The following EIF2AK2 variants were observed in gnomAD, a reference collection of about 807,000 sequenced individuals.
EIF2AK2 encodes the protein eukaryotic translation initiation factor 2 alpha kinase 2, also known as interferon-induced, double-stranded RNA-activated protein kinase.
In EIF2AK2, 40 loss-of-function variants were observed where a neutral mutation model predicts 70.5. That is an observed-to-expected ratio of 0.57 (90% CI 0.44 to 0.74). The LOEUF (loss-of-function observed/expected upper bound fraction) is 0.74. Among genes scored for constraint, EIF2AK2 ranks in the 30% least tolerant of loss-of-function variants. The pLI, the probability that EIF2AK2 is intolerant of heterozygous loss-of-function variation, is 0.00. For missense variants in EIF2AK2, 555 were observed against 644.3 expected (o/e 0.86, Z 1.50); for synonymous variants, 198 against 220.9 (o/e 0.90, Z 0.92).
rs780536929 is a variant in EIF2AK2 at position 37,109,224 on chromosome 2, A to G, written c.1449T>C (p.His483=). The change falls in exon 15 of 17, where the codon CAT becomes CAC. Residue 483 remains histidine, a synonymous_variant. Transcript: ENST00000233057. ...ALGLILAELL[H]VCDTAFETSK... is the part of the protein sequence containing the mutation. ...ATGTTTCAAAAGCAGTGTCACATAC[A>G]TGAAGAAGTTCAGCAAGAATTAGCC... is the stretch of plus-strand genomic sequence containing the variant. 3 of 1,614,206 alleles carry G rather than the reference A, an allele frequency of 1.9e-6. No homozygotes were observed. The highest frequency in any genetic ancestry group is 1.7e-6 in the Non-Finnish European group (2 of 1,180,020).
intron 8 of EIF2AK2, among the ~76,000 whole-genome samples, 198 bp downstream of exon 8, chr2:37,138,072 G>C (rs1036957232): frequency 7.0e-6 from 1 of 143,186 alleles, no homozygotes; most frequent in Non-Finnish European, 1.5e-5. Flanking sequence ...TCTCACCACT[G>C]CACTCCAGCC....
chr2:37,135,087 G>A (rs1675080688), intron 10 of EIF2AK2, among the ~76,000 whole-genome samples: 1 of 152,130 alleles, frequency 6.6e-6, no homozygotes, highest in South Asian at 2.1e-4. Flanking sequence ...TAGACTCCTC[G>A]GCTGGAGTAG....
chr2:37,127,110 A>G (rs577499274), intron 10 of EIF2AK2, among the ~76,000 whole-genome samples: 1 of 152,076 alleles, frequency 6.6e-6, no homozygotes, highest in Admixed American at 6.6e-5. Flanking sequence ...ATACGCTCTA[A>G]GCCTGCCTAG....
At chr2:37,111,438 T>C (rs1443613095) in intron 14 of EIF2AK2, among the ~76,000 whole-genome samples, 1 of 151,268 alleles carries the variant, frequency 6.6e-6, no homozygotes, top group Non-Finnish European at 1.5e-5. Context: ...TCATTCCTGT[T>C]GACCAGGCTG....
chr2:37,136,474 A>G (rs1470747027), intron 9 of EIF2AK2, among the ~76,000 whole-genome samples: 2 of 152,196 alleles, frequency 1.3e-5, no homozygotes, highest in East Asian at 1.9e-4. Flanking sequence ...AAGCATCCAC[A>G]TCAAGAACCA....
intron 1 of EIF2AK2, among the ~76,000 whole-genome samples, chr2:37,149,759 A>T (rs1480092220): frequency 2.6e-5 from 4 of 152,206 alleles, no homozygotes; most frequent in African/African-American, 9.6e-5. Flanking sequence ...GATGTAAATA[A>T]CAGATATGCT....
chr2:37,154,267 G>A (rs902597795), intron 1 of EIF2AK2, among the ~76,000 whole-genome samples: 1 of 151,916 alleles, frequency 6.6e-6, no homozygotes, highest in African/African-American at 2.4e-5. Context: ...GGAGGTTGCG[G>A]TGAGCTGAGA....
chr2:37,124,621 T>C (rs1200037084), intron 11 of EIF2AK2, among the ~76,000 whole-genome samples: 1 of 152,218 alleles, frequency 6.6e-6, no homozygotes, highest in African/African-American at 2.4e-5. Context: ...AAAATATATA[T>C]ACTCATTTCT....
chr2:37,114,055 G>A (rs139661089), intron 14 of EIF2AK2, among the ~76,000 whole-genome samples: 53 of 152,170 alleles, frequency 3.5e-4, no homozygotes, highest in African/African-American at 1.2e-3. Flanking sequence ...AATACCCTTC[G>A]ATAAGAAAAT....
intron 11 of EIF2AK2, among the ~76,000 whole-genome samples, chr2:37,124,555 G>A (rs1674668287): frequency 6.6e-6 from 1 of 151,416 alleles, no homozygotes; most frequent in Non-Finnish European, 1.5e-5. Context: ...CACCATGCCT[G>A]GCCCAGCCAG....
chr2:37,135,902 G>C (rs1015564714), intron 9 of EIF2AK2, among the ~76,000 whole-genome samples: 2 of 152,178 alleles, frequency 1.3e-5, no homozygotes, highest in Non-Finnish European at 2.9e-5. Flanking sequence ...AAAGTGCTGG[G>C]GATCACAGGC....
chr2:37,156,711 C>A (rs1675941524), intron 1 of EIF2AK2, among the ~76,000 whole-genome samples, 197 bp downstream of exon 1: 1 of 152,212 alleles, frequency 6.6e-6, no homozygotes, highest in South Asian at 2.1e-4. Context: ...GGGAGGGCCC[C>A]ACACCCGGGC....
intron 1 of EIF2AK2, among the ~76,000 whole-genome samples, chr2:37,153,297 A>C (rs1675809539): frequency 6.8e-6 from 1 of 148,054 alleles, no homozygotes; most frequent in Non-Finnish European, 1.5e-5. Flanking sequence ...CCCATTAAAC[A>C]GTAACTCCCC....
At chr2:37,143,926 C>T (rs1675432931) in intron 4 of EIF2AK2, among the ~76,000 whole-genome samples, 1 of 152,040 alleles carries the variant, frequency 6.6e-6, no homozygotes, top group Non-Finnish European at 1.5e-5. Flanking sequence ...ATTTACATAG[C>T]ATTTACATTG....
At position 37,114,777 on chromosome 2, in the gene EIF2AK2, T is replaced by C. The variant is rs753148148; in HGVS notation, c.1331A>G (p.Lys444Arg). 5.0e-5 allele frequency: 80 copies of C among 1,605,928 alleles called. No homozygotes were observed. The highest frequency in any genetic ancestry group is 5.0e-4 in the Middle Eastern group (3 of 6,030). The change falls in exon 14 of 17, where the codon AAG becomes AGG. Residue 444 changes from lysine (K) to arginine (R), a missense_variant. By Grantham distance (26) the Lys-to-Arg change is conservative (BLOSUM62 2). Around this residue, in one of 3 missense-constraint regions of EIF2AK2, gnomAD observed 299 missense variants for 375.4 expected, o/e 0.80. Coordinates refer to ENST00000233057, the MANE Select transcript of EIF2AK2 (RefSeq NM_001135651.3). ...CAAAGTTCCCTTACTCCTTGTTCGC[T>C]TTCCATCATTTTTCAGAGATGTTAC... ...GLVTSLKNDG[K>R]RTRSKGTLRY...
intron 10 of EIF2AK2, among the ~76,000 whole-genome samples, chr2:37,131,024 T>C (rs1674921185): frequency 6.6e-6 from 1 of 152,194 alleles, no homozygotes; most frequent in African/African-American, 2.4e-5. Flanking sequence ...ACAAGTCCCA[T>C]TTCCTAAGAC....
At chr2:37,146,589 CT>C (rs1328830070) in intron 4 of EIF2AK2, among the ~76,000 whole-genome samples, 1 of 152,182 alleles carries the variant, frequency 6.6e-6, no homozygotes, top group Non-Finnish European at 1.5e-5. Flanking sequence ...CACTTCTCAC[CT>C]TTCCATATTT....
chr2:37,104,144 C>T lies in EIF2AK2; in HGVS notation c.*3129G>A, dbSNP rs1022194057. On this transcript the variant is annotated 3_prime_UTR_variant, in exon 17 of 17. Coordinates refer to ENST00000233057, the MANE Select transcript of EIF2AK2 (RefSeq NM_001135651.3). ...GACACAGTGAGACTCTGTCTCAAAACAAACAAACAAACAAAAACAAAATAA... is the reference window on the plus strand; with the variant it reads ...GACACAGTGAGACTCTGTCTCAAAATAAACAAACAAACAAAAACAAAATAA... 6.6e-6 allele frequency: 1 copy of T among 151,776 alleles called. No individual in the cohort carries two copies. The highest frequency in any genetic ancestry group is 6.6e-5 in the Admixed American group (1 of 15,202). The allele number at this position is 151,776 out of a possible 1,614,324, so 9.4% of individuals were successfully genotyped here. A position where few individuals can be genotyped will look rare whatever the true frequency, so the allele number is the denominator to read the frequency against.
chr2:37,129,914 C>T (rs1204742982), intron 10 of EIF2AK2, among the ~76,000 whole-genome samples: 1 of 152,142 alleles, frequency 6.6e-6, no homozygotes, highest in African/African-American at 2.4e-5. Flanking sequence ...AGACTTAAAT[C>T]CCAAATTCCT....
Sources: allele counts gnomAD v4.1 joint callset (sites outside exome capture counted in the v4.1 genomes callset), GRCh38; gene constraint gnomAD v4.1.1; regional missense constraint gnomAD v4.1.1; transcripts MANE v1.5; gene names NCBI Gene and HGNC (gene_info 2026-07-23, HGNC 2026-07-21).